The following SLC6A12 variants were observed in gnomAD, a reference collection of about 807,000 sequenced individuals.
SLC6A12 encodes the protein sodium- and chloride-dependent betaine transporter.
In SLC6A12, 50 loss-of-function variants were observed where a neutral mutation model predicts 73.3. The ratio of observed to expected loss-of-function variants is 0.68; its 90% CI spans 0.54 to 0.86. The LOEUF (loss-of-function observed/expected upper bound fraction) is 0.86, where lower values mean the gene tolerates loss of function less well. Among genes scored for constraint, SLC6A12 ranks in the 40% least tolerant of loss-of-function variants. The pLI is 0.00. For synonymous variants in SLC6A12, 304 were observed against 309.2 expected, an observed-to-expected ratio of 0.98 and a Z score of 0.18; for missense variants, 648 against 772.8, an observed-to-expected ratio of 0.84 and a Z score of 1.92.
the SLC6A12 span, among the ~76,000 whole-genome samples, chr12:184,141 AG>A: frequency 3.7e-4 from 57 of 152,350 alleles, no homozygotes; most frequent in African/African-American, 1.3e-3. Flanking sequence ...AAGAATGAAC[AG>A]ATGATTGAAT....
At chr12:186,874 G>A (rs1939440712), downstream of SLC6A12, among the ~76,000 whole-genome samples, 1 of 152,204 alleles carries the variant, frequency 6.6e-6, no homozygotes, top group Admixed American at 6.5e-5. Flanking sequence ...GGAGCAGGCT[G>A]GAGCCTGTGG....
chr12:211,187 G>C (rs1218473891), intron 2 of SLC6A12: 1 of 152,206 alleles, frequency 6.6e-6, no homozygotes, highest in African/African-American at 2.4e-5. Flanking sequence ...AGTGCCCCAC[G>C]CTCCTCCAAG....
At chr12:200,897 C>T in intron 6 of SLC6A12, 114 bp from the exon 7 acceptor site, 1 of 1,101,198 alleles carries the variant, frequency 9.1e-7, no homozygotes, top group Non-Finnish European at 1.3e-6. Context: ...TATTCCAGGG[C>T]TTCCCCCACT....
At position 198,376 on chromosome 12, in the gene SLC6A12, G is replaced by C. The variant is rs1291597594; in HGVS notation, c.847-373C>G. On this transcript the variant is annotated intron_variant, in intron 8 of 15. Transcript: ENST00000684302. This position sits in a 1 kb window ranked among gnomAD's most constrained non-coding sequence, Gnocchi z 4.0. The stretch of plus-strand genomic sequence containing the variant: ...ATAGTGTCTTAAGCAGCTATGACCT[G>C]GGGACAAAGAGGCTGCTTCATCAAA... Among the ~76,000 whole-genome samples the C allele has an allele frequency of 6.6e-6, 1 of 152,176 alleles. No individual in the cohort carries two copies. Among genetic ancestry groups the C allele is most frequent in the East Asian group, 1.9e-4 (1 of 5,194 alleles).
chr12:192,397 G>A (rs1939639929), intron 15 of SLC6A12, 81 bp downstream of exon 15: 4 of 1,261,438 alleles, frequency 3.2e-6, no homozygotes, highest in Non-Finnish European at 4.6e-6. Flanking sequence ...CTGCTCCCTG[G>A]CCCCAGTTGT....
chr12:186,702 G>A (rs649277), downstream of SLC6A12, among the ~76,000 whole-genome samples: 3,829 of 152,346 alleles, frequency 0.025, 165 homozygotes, highest in African/African-American at 0.088. Flanking sequence ...AAGCTTTGGT[G>A]TACTCTGCCA....
At chr12:202,909 G>C in intron 4 of SLC6A12, 29 bp from the exon 5 acceptor site, 1 of 1,606,588 alleles carries the variant, frequency 6.2e-7, no homozygotes, top group Non-Finnish European at 8.5e-7. Flanking sequence ...GATGGGGAGG[G>C]ACAAGAGAGA....
intron 4 of SLC6A12, chr12:204,075 G>A (rs1164068136): frequency 6.4e-5 from 10 of 156,068 alleles, no homozygotes; most frequent in Admixed American, 1.2e-4. Context: ...GTGTTCCAGA[G>A]AGGCCAGCCC....
Position 198,763 on chromosome 12 carries a change from G to T in SLC6A12, c.846+34C>A, listed in dbSNP as rs1940053493. The stretch of plus-strand genomic sequence containing the variant: ...CTACAGACCTGGCTGGGTGGGGAAG[G>T]CACCTGGGGAAGTGGTCCCAGCACG... On this transcript the variant is annotated intron_variant, in intron 8 of 15. Transcript: ENST00000684302. This position sits in a 1 kb window ranked among gnomAD's most constrained non-coding sequence, Gnocchi z 4.0. The T allele has an allele frequency of 1.2e-6, 2 of 1,606,068 alleles. No homozygotes were observed. Among genetic ancestry groups the T allele is most frequent in the Non-Finnish European group, 1.7e-6 (2 of 1,174,144 alleles).
downstream of SLC6A12, among the ~76,000 whole-genome samples, chr12:187,179 A>C (rs907854436): frequency 6.6e-6 from 1 of 152,138 alleles, no homozygotes; most frequent in Non-Finnish European, 1.5e-5. Flanking sequence ...GCCTCTGTTC[A>C]CCAGTCTGCA....
downstream of SLC6A12, among the ~76,000 whole-genome samples, chr12:187,501 A>T (rs2137091610): frequency 6.7e-6 from 1 of 148,826 alleles, no homozygotes; most frequent in Non-Finnish European, 1.5e-5. Context: ...TCAGAAGTAA[A>T]CCTGCAGATT....
intron 14 of SLC6A12, 67 bp downstream of exon 14, chr12:193,210 C>A: frequency 8.7e-7 from 1 of 1,144,568 alleles, no homozygotes. Context: ...TGTCAGCCGT[C>A]CTTTCCCTCA....
downstream of SLC6A12, among the ~76,000 whole-genome samples, chr12:187,589 C>CAAAACAAAAAAAAAAAAA (rs1939453849): frequency 9.4e-6 from 1 of 106,074 alleles, no homozygotes; most frequent in South Asian, 3.6e-4. Flanking sequence ...TGCAAAAGAG[C>CAAAACAAAAAAAAAAAAA]AAAAAAAAAA....
intron 9 of SLC6A12, 23 bp downstream of exon 9, chr12:197,876 CA>C: frequency 1.3e-6 from 2 of 1,498,706 alleles, no homozygotes; most frequent in Admixed American, 3.4e-5. Flanking sequence ...TCCTTCACCC[CA>C]CCCCGGCCCA....
intron 10 of SLC6A12, among the ~76,000 whole-genome samples, chr12:197,114 C>CATCTATCCATCT (rs1565468947): frequency 4.0e-4 from 15 of 37,420 alleles, no homozygotes; most frequent in African/African-American, 1.2e-3. Context: ...TCCATCCATC[C>CATCTATCCATCT]ATCCATCCAT....
rs753915121 is a variant in SLC6A12 at position 197,399 on chromosome 12, G to A, written c.1053C>T (p.Pro351=). 1.2e-6 allele frequency: 2 copies of A among 1,613,512 alleles called. No homozygotes were observed. The highest frequency in any genetic ancestry group is 2.7e-5 in the African/African-American group (2 of 74,898). The change falls in exon 10 of 16, where the codon CCC becomes CCT. Residue 351 remains proline (P), a synonymous_variant. Transcript: ENST00000684302. ...TACCTGACTCGGCCACTTCAGAAATGGGCACCCCTTGCTCTTGGGACATGA... is the reference window on the plus strand; with the variant it reads ...TACCTGACTCGGCCACTTCAGAAATAGGCACCCCTTGCTCTTGGGACATGA... ...LGFMSQEQGV[P]ISEVAESGPG...
chr12:197,542 A>C, intron 9 of SLC6A12, 41 bp from the exon 10 acceptor site: 1 of 1,582,498 alleles, frequency 6.3e-7, no homozygotes, highest in South Asian at 1.2e-5. Flanking sequence ...CGGGGAGGAA[A>C]AGAGAGGAAG....
Position 204,893 on chromosome 12 carries a change from T to C in SLC6A12, c.215-195A>G, listed in dbSNP as rs1940549413. On this transcript the variant is annotated intron_variant, in intron 3 of 15. Transcript: ENST00000684302. Reference sequence around the variant, plus strand: ...GCAGGCACAGGTGGGAATGTTCTGATCTGAACCCTACACAGAATGAGAAAG... The same window carrying C: ...GCAGGCACAGGTGGGAATGTTCTGACCTGAACCCTACACAGAATGAGAAAG... The C allele has an allele frequency of 4.3e-5, 26 of 599,216 alleles. No homozygotes were observed. In the South Asian group the frequency reaches 4.9e-4, roughly 11 times the overall value. The allele number at this position is 599,216 out of a possible 1,614,324, so 37.1% of individuals were successfully genotyped here.
chr12:200,208 A>T (rs961079978), intron 7 of SLC6A12, among the ~76,000 whole-genome samples: 1 of 143,802 alleles, frequency 7.0e-6, no homozygotes, highest in Non-Finnish European at 1.5e-5. Context: ...TCCCGGGTTC[A>T]CGCCATTCTC....
Sources: allele counts gnomAD v4.1 joint callset (sites outside exome capture counted in the v4.1 genomes callset), GRCh38; gene constraint gnomAD v4.1.1; non-coding constraint Gnocchi (gnomAD v3.1); transcripts MANE v1.5; gene names NCBI Gene and HGNC (gene_info 2026-07-23, HGNC 2026-07-21).